RAB23: variants seen among roughly 807,000 people sequenced by gnomAD.
RAB23 encodes the protein ras-related protein Rab-23.
In RAB23, 15 loss-of-function variants were observed where a neutral mutation model predicts 30.0. The ratio of observed to expected loss-of-function variants is 0.50; its 90% CI spans 0.33 to 0.77. The LOEUF is 0.77. RAB23 is among the 30% of genes least tolerant of loss of function. The probability of loss-of-function intolerance (pLI) is 0.02; values close to 1 mark genes in which losing one functional copy is unlikely to be tolerated. For synonymous variants in RAB23, 93 were observed against 94.0 expected (o/e 0.99, Z 0.06); for missense variants, 243 against 275.4 (o/e 0.88, Z 0.83).
chr6:57,222,065 TC>T lies in RAB23; in HGVS notation c.-406del, dbSNP rs1389694850. The T allele has an allele frequency of 6.6e-6, 1 of 152,392 alleles. No homozygotes were observed. The highest frequency in any genetic ancestry group is 1.5e-5 in the Non-Finnish European group (1 of 68,264). The allele number at this position is 152,392 out of a possible 1,614,324, so 9.4% of individuals were successfully genotyped here. On this transcript the variant is annotated 5_prime_UTR_variant, in exon 1 of 7. Coordinates refer to ENST00000468148, the MANE Select transcript of RAB23 (RefSeq NM_016277.5). ...GGACCCGCCGCCCGGCGCCACCGGC[TC>T]CTCCTGGTCGCGGCGCAACCGCTGC... is the stretch of plus-strand genomic sequence containing the variant.
chr6:57,214,324 C>CT (rs938965045), intron 1 of RAB23, among the ~76,000 whole-genome samples: 3 of 151,114 alleles, frequency 2.0e-5, no homozygotes, highest in South Asian at 2.1e-4. Flanking sequence ...CAGTTTCTTT[C>CT]TTTTTTTTTA....
At chr6:57,209,821 A>G (rs1190637681) in intron 2 of RAB23, among the ~76,000 whole-genome samples, 1 of 152,208 alleles carries the variant, frequency 6.6e-6, no homozygotes, top group Non-Finnish European at 1.5e-5. Flanking sequence ...TCTAACTTCC[A>G]TACAGTCTTG....
intron 3 of RAB23, among the ~76,000 whole-genome samples, chr6:57,206,682 G>A (rs768081981): frequency 6.6e-6 from 1 of 152,130 alleles, no homozygotes; most frequent in African/African-American, 2.4e-5. Context: ...AACCTCTGCC[G>A]AACAGCCTTT....
In RAB23 at chr6:57,203,998, T is replaced by G. The variant is rs1224301220; in HGVS notation, c.241+3630A>C. Among the ~76,000 whole-genome samples, 10 of 152,316 alleles carry G rather than the reference T, an allele frequency of 6.6e-5. No individual in the cohort carries two copies. The East Asian group carries it at 1.9e-3, about 29-fold the overall frequency. ...TTAGAAAGGCAACTTCTTTGGTCAT[T>G]TGTATGTTAGTACAATCATGAAACC... On this transcript the variant is annotated intron_variant, in intron 3 of 6. Transcript: ENST00000468148.
chr6:57,209,207 T>C (rs1765558789), intron 2 of RAB23, among the ~76,000 whole-genome samples: 1 of 152,178 alleles, frequency 6.6e-6, no homozygotes, highest in Non-Finnish European at 1.5e-5. Context: ...AGCTGGGAAG[T>C]GCATGATGGG....
At chr6:57,217,268 G>A (rs1765882037) in intron 1 of RAB23, among the ~76,000 whole-genome samples, 1 of 151,342 alleles carries the variant, frequency 6.6e-6, no homozygotes, top group African/African-American at 2.4e-5. Context: ...GAAACTTTGT[G>A]GGGCACAGCT....
chr6:57,188,649 A>C lies in RAB23; in HGVS notation c.*1812T>G, dbSNP rs1209736785. The C allele has an allele frequency of 1.3e-5, 2 of 152,192 alleles. No homozygotes were observed. The highest frequency in any genetic ancestry group is 1.3e-4 in the Admixed American group (2 of 15,276). 9.4% of individuals were successfully genotyped at this position (152,192 alleles called of 1,614,324 possible). The stretch of plus-strand genomic sequence containing the variant: ...TAGCAGTATCCACTGTTTGTTAGGA[A>C]CTGAATTTTGCCCCCAAAACCTATG... On this transcript the variant is annotated 3_prime_UTR_variant, in exon 7 of 7. Coordinates refer to ENST00000468148, the MANE Select transcript of RAB23 (RefSeq NM_016277.5).
chr6:57,205,043 T>C (rs559603591), intron 3 of RAB23, among the ~76,000 whole-genome samples: 3 of 151,360 alleles, frequency 2.0e-5, no homozygotes, highest in African/African-American at 4.8e-5. Flanking sequence ...TGTGTATATA[T>C]ACATCTGTTT....
chr6:57,218,839 G>A (rs1765946915), intron 1 of RAB23, among the ~76,000 whole-genome samples: 1 of 149,914 alleles, frequency 6.7e-6, no homozygotes, highest in Non-Finnish European at 1.5e-5. Context: ...GGGTGACAGA[G>A]TGAGATTCTG....
chr6:57,200,821 C>G (rs545699462), intron 3 of RAB23, among the ~76,000 whole-genome samples: 3 of 152,186 alleles, frequency 2.0e-5, no homozygotes, highest in Admixed American at 6.5e-5. Flanking sequence ...AAGCAGAGAG[C>G]TATATTGGGA....
At chr6:57,220,830 A>G (rs1474012712) in intron 1 of RAB23, among the ~76,000 whole-genome samples, 3 of 151,930 alleles carry the variant, frequency 2.0e-5, no homozygotes, top group Non-Finnish European at 2.9e-5. Flanking sequence ...CTGTACATCG[A>G]AAAAAAATCA....
intron 1 of RAB23, among the ~76,000 whole-genome samples, chr6:57,212,718 C>CAA (rs35931979): frequency 3.5e-4 from 31 of 89,228 alleles, no homozygotes; most frequent in African/African-American, 8.5e-4. Flanking sequence ...CTGTCTCTAC[C>CAA]AAAAAAAAAA....
chr6:57,213,526 C>CA (rs1166182613), intron 1 of RAB23, among the ~76,000 whole-genome samples: 9 of 151,924 alleles, frequency 5.9e-5, no homozygotes, highest in East Asian at 5.8e-4. Context: ...CTGTTATGTT[C>CA]AAAAAAAGGC....
chr6:57,219,489 C>A (rs1030219303), intron 1 of RAB23, among the ~76,000 whole-genome samples: 1 of 151,954 alleles, frequency 6.6e-6, no homozygotes, highest in Non-Finnish European at 1.5e-5. Flanking sequence ...ACTTTATACA[C>A]AAAGGTAAAA....
In RAB23 at chr6:57,187,998, A is replaced by G. The variant is rs1044796163; in HGVS notation, c.*2463T>C. ...TCATAGACAGAGACTGGAAAAGGAAAAGGAAACCTGAGGAACTCTGAAATA... is the reference window on the plus strand; with the variant it reads ...TCATAGACAGAGACTGGAAAAGGAAGAGGAAACCTGAGGAACTCTGAAATA... On this transcript the variant is annotated 3_prime_UTR_variant, in exon 7 of 7. Transcript: ENST00000468148. 1 of 152,192 alleles carries G rather than the reference A, an allele frequency of 6.6e-6. No individual in the cohort carries two copies. The highest frequency in any genetic ancestry group is 1.5e-5 in the Non-Finnish European group (1 of 68,014). 9.4% of individuals were successfully genotyped at this position (152,192 alleles called of 1,614,324 possible). A position where few individuals can be genotyped will look rare whatever the true frequency, so the allele number is the denominator to read the frequency against.
intron 2 of RAB23, among the ~76,000 whole-genome samples, chr6:57,208,952 A>G (rs2128003607): frequency 6.6e-6 from 1 of 152,332 alleles, no homozygotes; most frequent in South Asian, 2.1e-4. Context: ...CAACAGCACT[A>G]TAACTCGTGC....
intron 1 of RAB23, 84 bp from the exon 2 acceptor site, chr6:57,210,529 G>A (rs1765615092): frequency 1.2e-6 from 1 of 867,874 alleles, no homozygotes; most frequent in Non-Finnish European, 1.8e-6. Context: ...TTATCACATT[G>A]CATTGCAAGG....
chr6:57,219,350 CAT>C (rs1340435473), intron 1 of RAB23, among the ~76,000 whole-genome samples: 2 of 152,156 alleles, frequency 1.3e-5, no homozygotes, highest in Non-Finnish European at 2.9e-5. Flanking sequence ...AATGGAAAGA[CAT>C]ATCATGTTCA....
intron 4 of RAB23, 129 bp from the exon 5 acceptor site, chr6:57,194,981 C>A: frequency 1.5e-6 from 1 of 687,998 alleles, no homozygotes; most frequent in Non-Finnish European, 2.5e-6. Context: ...TCAGATCTTT[C>A]AGAAAATTTT....
Sources: gnomAD v4.1 joint callset for allele counts (sites outside exome capture counted in the v4.1 genomes callset) on GRCh38, gnomAD v4.1.1 for gene constraint, MANE v1.5 for transcripts, NCBI Gene and HGNC (gene_info 2026-07-23, HGNC 2026-07-21) for gene names.